Variants in ACKR2 observed in about 807,000 individuals in gnomAD.
The protein encoded by ACKR2 is atypical chemokine receptor 2.
For missense variants in ACKR2, 457 were observed against 477.3 expected, an observed-to-expected ratio of 0.96 and a Z score of 0.40; for synonymous variants, 207 against 192.2, an observed-to-expected ratio of 1.08 and a Z score of -0.64.
At chr3:42,824,205 A>G (rs1426127670) in intron 2 of ACKR2, among the ~76,000 whole-genome samples, 3 of 152,206 alleles carry the variant, frequency 2.0e-5, no homozygotes, top group Non-Finnish European at 4.4e-5. Flanking sequence ...TCAACCTATA[A>G]TACCTAATAT....
intron 2 of ACKR2, among the ~76,000 whole-genome samples, chr3:42,828,896 C>A (rs1700900861): frequency 1.3e-5 from 2 of 152,134 alleles, no homozygotes; most frequent in African/African-American, 4.8e-5. Context: ...AGAGCAGGCC[C>A]ATAGTTGTAT....
intron 2 of ACKR2, among the ~76,000 whole-genome samples, chr3:42,819,997 C>G (rs1433266954): frequency 1.3e-5 from 2 of 152,226 alleles, no homozygotes; most frequent in African/African-American, 4.8e-5. Flanking sequence ...CACTCAATGG[C>G]ACTGCAAACA....
intron 2 of ACKR2, among the ~76,000 whole-genome samples, chr3:42,827,490 A>T (rs1033331333): frequency 1.3e-5 from 2 of 152,186 alleles, no homozygotes; most frequent in African/African-American, 4.8e-5. Context: ...CCTTACTTCT[A>T]GTGGTAACTT....
intron 1 of ACKR2, among the ~76,000 whole-genome samples, chr3:42,814,046 C>T (rs530760294): frequency 6.6e-6 from 1 of 152,148 alleles, no homozygotes; most frequent in Non-Finnish European, 1.5e-5. Flanking sequence ...GAGAAATTCT[C>T]TCCTTCTGAT....
At chr3:42,833,500 ATTAT>A (rs947948006) in intron 2 of ACKR2, among the ~76,000 whole-genome samples, 1 of 152,116 alleles carries the variant, frequency 6.6e-6, no homozygotes, top group Admixed American at 6.6e-5. Flanking sequence ...ACAATTATTA[ATTAT>A]TAATGAGATA....
chr3:42,815,475 T>A (rs1425535224), intron 1 of ACKR2, among the ~76,000 whole-genome samples: 1 of 152,206 alleles, frequency 6.6e-6, no homozygotes, highest in African/African-American at 2.4e-5. Flanking sequence ...GTGTTCCAAT[T>A]TAGTACCCTT....
chr3:42,820,374 A>C (rs1364065279), intron 2 of ACKR2, among the ~76,000 whole-genome samples: 1 of 152,084 alleles, frequency 6.6e-6, no homozygotes, highest in Non-Finnish European at 1.5e-5. Flanking sequence ...CGGATGGATC[A>C]CGAGGTCAGG....
intron 2 of ACKR2, among the ~76,000 whole-genome samples, chr3:42,844,233 ATGGGCAGGAGAG>A (rs1701069432): frequency 6.6e-6 from 1 of 152,218 alleles, no homozygotes; most frequent in South Asian, 2.1e-4. Context: ...AGTTGGAGAC[ATGGGCAGGAGAG>A]TGGGGAGGTG....
At chr3:42,826,206 T>C (rs1394725805) in intron 2 of ACKR2, among the ~76,000 whole-genome samples, 1 of 152,106 alleles carries the variant, frequency 6.6e-6, no homozygotes, top group African/African-American at 2.4e-5. Context: ...GGGATATTGG[T>C]GTGTAGTGTT....
chr3:42,859,671 G>C (rs774419883), intron 2 of ACKR2, among the ~76,000 whole-genome samples: 49 of 152,060 alleles, frequency 3.2e-4, no homozygotes, highest in Non-Finnish European at 4.1e-4. Context: ...GTGAGCCGCC[G>C]CGCCTGGCCT....
intron 2 of ACKR2, among the ~76,000 whole-genome samples, chr3:42,845,563 T>C (rs7647523): frequency 0.38 from 58,225 of 151,926 alleles, 11,912 homozygotes; most frequent in East Asian, 0.69. Context: ...GGGGTTTCAC[T>C]GTGTTAGCCA....
chr3:42,831,468 C>T (rs1700932101), intron 2 of ACKR2, among the ~76,000 whole-genome samples: 1 of 152,186 alleles, frequency 6.6e-6, no homozygotes, highest in African/African-American at 2.4e-5. Context: ...TTTCATTGGC[C>T]AATGGCAGTG....
At position 42,830,966 on chromosome 3, in the gene ACKR2, C is replaced by G. The variant is rs193072411; in HGVS notation, c.-38+11255C>G. On this transcript the variant is annotated intron_variant, in intron 2 of 2. Transcript: ENST00000422265. ...TTTGGGATTGGTGTACCAGAAATGACTAAAAACCTGTGGTTTTCTGAGAGT... is the reference window on the plus strand; with the variant it reads ...TTTGGGATTGGTGTACCAGAAATGAGTAAAAACCTGTGGTTTTCTGAGAGT... Among the ~76,000 whole-genome samples the G allele has an allele frequency of 2.2e-4, 33 of 151,734 alleles. No individual in the cohort carries two copies. In the East Asian group the frequency reaches 6.2e-3, roughly 28 times the overall value.
At chr3:42,842,084 C>T (rs11129978) in intron 2 of ACKR2, among the ~76,000 whole-genome samples, 47,890 of 151,990 alleles carry the variant, frequency 0.32, 8,525 homozygotes, top group East Asian at 0.65. Context: ...TAGGTGTTGT[C>T]GGCCACAGTG....
At chr3:42,860,183 A>AC (rs1559693608) in intron 2 of ACKR2, among the ~76,000 whole-genome samples, 10 of 145,014 alleles carry the variant, frequency 6.9e-5, no homozygotes, top group Non-Finnish European at 1.2e-4. Flanking sequence ...AAAAAAAAAA[A>AC]AAAAAAGCAG....
chr3:42,851,541 G>A, intron 2 of ACKR2: 1 of 561,040 alleles, frequency 1.8e-6, no homozygotes, highest in Non-Finnish European at 2.3e-6. Context: ...GGCTTGGGGA[G>A]TGGGCACAGG....
chr3:42,828,144 C>G (rs954974253), intron 2 of ACKR2, among the ~76,000 whole-genome samples: 2 of 143,616 alleles, frequency 1.4e-5, no homozygotes, highest in Non-Finnish European at 3.0e-5. Flanking sequence ...GAGTCTTGCT[C>G]TGTCACCCAG....
intron 1 of ACKR2, among the ~76,000 whole-genome samples, chr3:42,817,053 C>T (rs75883712): frequency 0.08 from 12,221 of 152,116 alleles, 652 homozygotes; most frequent in Middle Eastern, 0.14. Context: ...GTTATTTAGC[C>T]TCACATTTTT....
intron 2 of ACKR2, among the ~76,000 whole-genome samples, chr3:42,826,901 G>A (rs1284308807): frequency 6.6e-6 from 1 of 152,078 alleles, no homozygotes; most frequent in African/African-American, 2.4e-5. Context: ...TGTCCCATAA[G>A]TTTGGTACAT....
Sources: gnomAD v4.1 joint callset for allele counts (sites outside exome capture counted in the v4.1 genomes callset) on GRCh38, gnomAD v4.1.1 for gene constraint, MANE v1.5 for transcripts, NCBI Gene and HGNC (gene_info 2026-07-23, HGNC 2026-07-21) for gene names.